NFASC: variants seen among roughly 807,000 people sequenced by gnomAD.
NFASC encodes neurofascin.
Under a neutral mutation model 147.5 loss-of-function variants are expected in NFASC, and 43 were observed. That is an observed-to-expected ratio of 0.29 (90% CI 0.23 to 0.38). The LOEUF is 0.38. Ranked by LOEUF, NFASC falls within the 10% of genes least tolerant of loss-of-function variation. The pLI is 1.00. For missense variants in NFASC, 1,320 were observed against 1,689.0 expected, an observed-to-expected ratio of 0.78 and a Z score of 3.83; for synonymous variants, 622 against 665.5, an observed-to-expected ratio of 0.93 and a Z score of 1.01.
intron 23 of NFASC, 34 bp downstream of exon 23, chr1:204,988,840 G>A: frequency 1.2e-6 from 2 of 1,601,966 alleles, no homozygotes; most frequent in East Asian, 2.2e-5. Context: ...GGGGTAAAAG[G>A]TCCCAGCTAA....
At chr1:204,867,555 C>A (rs1459041637) in intron 1 of NFASC, among the ~76,000 whole-genome samples, 1 of 152,116 alleles carries the variant, frequency 6.6e-6, no homozygotes, top group Non-Finnish European at 1.5e-5. Context: ...CACTAAGGCA[C>A]ACACATATAA....
At chr1:204,869,710 A>G (rs2077430699) in intron 1 of NFASC, among the ~76,000 whole-genome samples, 1 of 152,172 alleles carries the variant, frequency 6.6e-6, no homozygotes, top group Non-Finnish European at 1.5e-5. Flanking sequence ...CCAAGGCAAC[A>G]TGGCCAATAA....
Position 204,954,366 on chromosome 1 carries a change from A to T in NFASC, c.394A>T (p.Ile132Phe). 1 of 1,614,030 alleles carries T rather than the reference A, an allele frequency of 6.2e-7. No homozygotes were observed. The highest frequency in any genetic ancestry group is 8.5e-7 in the Non-Finnish European group (1 of 1,179,966). ...NKFGTALSNR[I>F]RLQVSKSPLW... The stretch of plus-strand genomic sequence containing the variant: ...ATTTGGCACGGCCCTGTCCAATAGG[A>T]TCCGCCTGCAGGTGTCTAGTGAGTA... The change falls in exon 6 of 30, where the codon ATC becomes TTC. Residue 132 changes from isoleucine (I) to phenylalanine (F), a missense_variant. Around this residue, in one of 3 missense-constraint regions of NFASC, gnomAD observed 981 missense variants for 1,289.5 expected, o/e 0.76. Coordinates refer to ENST00000339876, the MANE Select transcript of NFASC (RefSeq NM_001005388.3). This position sits in a 1 kb window ranked among gnomAD's most constrained non-coding sequence, Gnocchi z 5.7.
chr1:204,993,819 T>C (rs1343024741), intron 24 of NFASC: 1 of 515,804 alleles, frequency 1.9e-6, no homozygotes, highest in Admixed American at 2.0e-5. Flanking sequence ...ACTTCTCAGC[T>C]TCGTTGCTCT....
chr1:204,979,343 G>A lies in NFASC; in HGVS notation c.1979-19G>A, dbSNP rs1321170329. On this transcript the variant is annotated intron_variant, in intron 18 of 29. Transcript: ENST00000339876. The surrounding 1 kb of genome is among the most constrained non-coding windows in gnomAD (Gnocchi z 6.0). Reference sequence around the variant, plus strand: ...CTAACTGAGCTCCCGAAACAGCTCTGTTTTCCTTGCCCACTCAGACTACGT... The same window carrying A: ...CTAACTGAGCTCCCGAAACAGCTCTATTTTCCTTGCCCACTCAGACTACGT... The A allele has an allele frequency of 1.2e-6, 2 of 1,608,764 alleles. No homozygotes were observed. Among genetic ancestry groups the A allele is most frequent in the African/African-American group, 2.7e-5 (2 of 74,830 alleles).
chr1:204,971,570 T>A (rs1484487525), intron 11 of NFASC, among the ~76,000 whole-genome samples: 1 of 152,188 alleles, frequency 6.6e-6, no homozygotes, highest in Non-Finnish European at 1.5e-5. Flanking sequence ...GGTAAGAATT[T>A]ACCTATTTAG....
At chr1:204,934,182 T>A (rs959245572) in intron 2 of NFASC, among the ~76,000 whole-genome samples, 1 of 150,926 alleles carries the variant, frequency 6.6e-6, no homozygotes, top group Non-Finnish European at 1.5e-5. Context: ...AAGATGTTTC[T>A]CTGCTGAGGC....
intron 1 of NFASC, among the ~76,000 whole-genome samples, chr1:204,873,083 G>C (rs2078030840): frequency 6.6e-6 from 1 of 152,154 alleles, no homozygotes; most frequent in Non-Finnish European, 1.5e-5. Context: ...GTGTCCATAA[G>C]AAGGACTGAG....
At chr1:205,006,095 G>T (rs979871811) in intron 27 of NFASC, among the ~76,000 whole-genome samples, 1 of 152,196 alleles carries the variant, frequency 6.6e-6, no homozygotes, top group Non-Finnish European at 1.5e-5. Context: ...CCAAACACAT[G>T]TTGAAGTAAT....
In NFASC at chr1:204,976,659, G is replaced by T; in HGVS notation, c.1707-12G>T. On this transcript the variant is annotated splice_polypyrimidine_tract_variant and intron_variant, in intron 15 of 29. Coordinates refer to ENST00000339876, the MANE Select transcript of NFASC (RefSeq NM_001005388.3). ...ACCCCCTCCTCCCAACCCTTCCTCG[G>T]TACCTTTGCAGGATGAAGAAGGAAG... 1 of 1,603,834 alleles carries T rather than the reference G, an allele frequency of 6.2e-7. No homozygotes were observed. The highest frequency in any genetic ancestry group is 1.3e-5 in the African/African-American group (1 of 74,886).
intron 1 of NFASC, among the ~76,000 whole-genome samples, chr1:204,867,089 G>A (rs776208550): frequency 1.3e-5 from 2 of 152,208 alleles, no homozygotes. Flanking sequence ...AAAAACAGGT[G>A]CAGTCGGATT....
At chr1:204,964,106 T>C (rs1023803951) in intron 8 of NFASC, among the ~76,000 whole-genome samples, 1 of 152,176 alleles carries the variant, frequency 6.6e-6, no homozygotes, top group Non-Finnish European at 1.5e-5. Context: ...TGAGGTAGAC[T>C]GCCTTGAATT....
chr1:204,867,911 C>A (rs1371546989), intron 1 of NFASC, among the ~76,000 whole-genome samples: 1 of 152,238 alleles, frequency 6.6e-6, no homozygotes, highest in African/African-American at 2.4e-5. Flanking sequence ...TGGCTTCCAG[C>A]CCTGGGTCAT....
intron 21 of NFASC, chr1:204,984,345 G>GTA (rs1553306456): frequency 2.9e-4 from 66 of 227,530 alleles, no homozygotes; most frequent in Middle Eastern, 1.2e-3. Flanking sequence ...GTGTGTGTGT[G>GTA]TATATATATA....
rs1422391125 is a variant in NFASC at position 204,944,288 on chromosome 1, G to A, written c.-28G>A. 6.2e-7 allele frequency: 1 copy of A among 1,609,924 alleles called. No individual in the cohort carries two copies. The highest frequency in any genetic ancestry group is 2.2e-5 in the East Asian group (1 of 44,698). On this transcript the variant is annotated 5_prime_UTR_variant, in exon 3 of 30. Coordinates refer to ENST00000339876, the MANE Select transcript of NFASC (RefSeq NM_001005388.3). ...AGGTGACAAGACCCCGAGTGCTGGG[G>A]AGCAGGGAGCAGGGCCAGGTGCCGA...
intron 8 of NFASC, 51 bp downstream of exon 8, chr1:204,957,877 T>C: frequency 6.4e-7 from 1 of 1,563,098 alleles, no homozygotes; most frequent in Non-Finnish European, 8.8e-7. Context: ...AGAAGCCCAC[T>C]GATCCCACCC....
At chr1:204,983,172 A>G (rs1323359526) in intron 21 of NFASC, among the ~76,000 whole-genome samples, 2 of 152,178 alleles carry the variant, frequency 1.3e-5, no homozygotes, top group African/African-American at 2.4e-5. Flanking sequence ...CCACGCTCTG[A>G]TGGATTAGAA....
At chr1:204,852,646 T>C (rs552420249) in intron 1 of NFASC, among the ~76,000 whole-genome samples, 1 of 152,388 alleles carries the variant, frequency 6.6e-6, no homozygotes, top group African/African-American at 2.4e-5. Flanking sequence ...GGAGCCTTCC[T>C]GAGGCTCAGA....
chr1:204,846,852 C>G (rs1342524638), intron 1 of NFASC, among the ~76,000 whole-genome samples: 1 of 152,110 alleles, frequency 6.6e-6, no homozygotes, highest in Non-Finnish European at 1.5e-5. Context: ...GTCCTATATT[C>G]AGCCACAGCT....
Sources: allele counts gnomAD v4.1 joint callset (sites outside exome capture counted in the v4.1 genomes callset), GRCh38; gene constraint gnomAD v4.1.1; regional missense constraint gnomAD v4.1.1; non-coding constraint Gnocchi (gnomAD v3.1); transcripts MANE v1.5; gene names NCBI Gene and HGNC (gene_info 2026-07-23, HGNC 2026-07-21).